PWWP3A: variants seen among roughly 807,000 people sequenced by gnomAD.
PWWP3A encodes the protein PWWP domain containing 3A, DNA repair factor.
PWWP3A carries 53 observed loss-of-function variants against 79.0 expected under a neutral mutation model. That is an observed-to-expected ratio of 0.67 (90% CI 0.54 to 0.84). PWWP3A has a LOEUF of 0.84. PWWP3A is among the 40% of genes least tolerant of loss of function. PWWP3A has a pLI of 0.00. For synonymous variants in PWWP3A, 443 were observed against 394.4 expected (o/e 1.12, Z -1.46); for missense variants, 973 against 948.0 (o/e 1.03, Z -0.35).
Position 1,369,763 on chromosome 19 carries a change from C to A in PWWP3A, c.1549+117C>A. The A allele has an allele frequency of 8.8e-7, 1 of 1,139,070 alleles. No homozygotes were observed. Among genetic ancestry groups the A allele is most frequent in the Non-Finnish European group, 1.3e-6 (1 of 750,302 alleles). The allele number at this position is 1,139,070 out of a possible 1,614,324, so 70.6% of individuals were successfully genotyped here. On this transcript the variant is annotated intron_variant, in intron 11 of 13. Coordinates refer to ENST00000591337, the MANE Select transcript of PWWP3A (RefSeq NM_001369789.1). This position sits in a 1 kb window ranked among gnomAD's most constrained non-coding sequence, Gnocchi z 4.0. ...TTGGGGTCAAGGCACTGTCCGCAGC[C>A]ACACAGCATTGTTCAACCTCTATGA...
chr19:1,359,955 C>T lies in PWWP3A; in HGVS notation c.215-181C>T, dbSNP rs188530457. On this transcript the variant is annotated intron_variant, in intron 4 of 13. Coordinates refer to ENST00000591337, the MANE Select transcript of PWWP3A (RefSeq NM_001369789.1). ...CTCGAATCCCGGAATGAATAGCTGT[C>T]GTTCTGTAGCCTCGTCTCCTTTTTG... The T allele has an allele frequency of 8.8e-4, 511 of 577,492 alleles. 2 individuals are homozygous for T. Among genetic ancestry groups the T allele is most frequent in the African/African-American group, 8.4e-3 (437 of 51,834 alleles). 35.8% of individuals were successfully genotyped at this position (577,492 alleles called of 1,614,324 possible). A position where few individuals can be genotyped will look rare whatever the true frequency, so the allele number is the denominator to read the frequency against.
rs1376584114 is a variant in PWWP3A at position 1,377,603 on chromosome 19, GGGCTCAGCCA to G, written c.*1033_*1042del. 2.6e-5 allele frequency: 4 copies of G among 152,384 alleles called. No homozygotes were observed. The highest frequency in any genetic ancestry group is 9.6e-5 in the African/African-American group (4 of 41,454). The allele number at this position is 152,384 out of a possible 1,614,324, so 9.4% of individuals were successfully genotyped here. On this transcript the variant is annotated 3_prime_UTR_variant, in exon 14 of 14. Coordinates refer to ENST00000591337, the MANE Select transcript of PWWP3A (RefSeq NM_001369789.1). The stretch of plus-strand genomic sequence containing the variant: ...GGTTGTTGAGGGCTGTGACTCCGTG[GGGCTCAGCCA>G]GGCTCCAGCAGGGTCAGACGTGCTG...
In PWWP3A at chr19:1,358,417, T is replaced by C. The variant is rs373025540; in HGVS notation, c.167T>C (p.Val56Ala). 6.2e-7 allele frequency: 1 copy of C among 1,614,112 alleles called. No individual in the cohort carries two copies. The highest frequency in any genetic ancestry group is 8.5e-7 in the Non-Finnish European group (1 of 1,179,998). The part of the protein sequence containing the change: ...EEKIKVKSTE[V>A]EILEKSQIEA... ...AGAATTAAGGTGAAAAGCACTGAAG[T>C]TGAGATCCTAGAGAAGTCTCAAATT... The change falls in exon 4 of 14, where the codon GTT becomes GCT. Residue 56 changes from valine (V) to alanine (A), a missense_variant. Transcript: ENST00000591337.
chr19:1,358,131 G>C, intron 3 of PWWP3A: 1 of 458,624 alleles, frequency 2.2e-6, no homozygotes, highest in Non-Finnish European at 3.8e-6. Context: ...CTTCATAAAA[G>C]TCACAATTTG....
chr19:1,370,599 G>C, intron 11 of PWWP3A, 43 bp from the exon 12 acceptor site: 1 of 1,431,016 alleles, frequency 7.0e-7, no homozygotes, highest in Non-Finnish European at 9.2e-7. Flanking sequence ...ACCCGAGGAA[G>C]GCAGCCCACG....
chr19:1,376,481 T>G (rs1183555609), intron 13 of PWWP3A, 38 bp from the exon 14 acceptor site: 1 of 1,601,802 alleles, frequency 6.2e-7, no homozygotes, highest in South Asian at 1.1e-5. Flanking sequence ...TAACACACAA[T>G]GATTAATTAC....
chr19:1,360,972 C>A lies in PWWP3A; in HGVS notation c.1051C>A (p.His351Asn). 6.8e-7 allele frequency: 1 copy of A among 1,463,732 alleles called. No individual in the cohort carries two copies. Among genetic ancestry groups the A allele is most frequent in the Non-Finnish European group, 9.0e-7 (1 of 1,107,866 alleles). The allele number at this position is 1,463,732 out of a possible 1,614,324, so 90.7% of individuals were successfully genotyped here. The change falls in exon 5 of 14, where the codon CAC becomes AAC. Residue 351 changes from histidine to asparagine, a missense_variant. Coordinates refer to ENST00000591337, the MANE Select transcript of PWWP3A (RefSeq NM_001369789.1). This position sits in a 1 kb window ranked among gnomAD's most constrained non-coding sequence, Gnocchi z 4.4. ...CGCCAGGCTGGGCCCGCCTCCCTCC[C>A]ACGCCTCTGCGGATGCAACCAGATG... ...STARLGPPPS[H>N]ASADATRCLP...
chr19:1,362,895 C>T (rs1457978583), intron 6 of PWWP3A, among the ~76,000 whole-genome samples: 1 of 152,250 alleles, frequency 6.6e-6, no homozygotes, highest in Non-Finnish European at 1.5e-5. Context: ...ACCCAAAGAT[C>T]TGAGCCAGCC....
intron 11 of PWWP3A, 56 bp from the exon 12 acceptor site, chr19:1,370,586 G>C: frequency 7.1e-7 from 1 of 1,418,100 alleles, no homozygotes; most frequent in Non-Finnish European, 9.3e-7. Flanking sequence ...CTGACCCACA[G>C]CCACCCGAGG....
In PWWP3A at chr19:1,377,928, C is replaced by G. The variant is rs575971554; in HGVS notation, c.*1352C>G. ...TGCGGGACGAAGCCGCAAGGACTCT[C>G]GTATCGGGCCCTTGGGACTCGGGAG... On this transcript the variant is annotated 3_prime_UTR_variant, in exon 14 of 14. Transcript: ENST00000591337. 24 of 152,414 alleles carry G rather than the reference C, an allele frequency of 1.6e-4. No individual in the cohort carries two copies. The highest frequency in any genetic ancestry group is 5.8e-4 in the African/African-American group (24 of 41,596). The allele number at this position is 152,414 out of a possible 1,614,324, so 9.4% of individuals were successfully genotyped here.
At chr19:1,356,550 A>G in intron 2 of PWWP3A, 101 bp downstream of exon 2, 1 of 1,178,914 alleles carries the variant, frequency 8.5e-7, no homozygotes. Context: ...CAGTGAAATA[A>G]TTGAGCCAGA....
intron 13 of PWWP3A, among the ~76,000 whole-genome samples, chr19:1,375,446 T>TA (rs398120735): frequency 2.2e-5 from 3 of 133,668 alleles, no homozygotes; most frequent in Non-Finnish European, 3.1e-5. Flanking sequence ...GCCATATATA[T>TA]TTATATATAA....
chr19:1,376,727 T>G lies in PWWP3A; in HGVS notation c.*151T>G. 1 of 580,098 alleles carries G rather than the reference T, an allele frequency of 1.7e-6. No individual in the cohort carries two copies. The highest frequency in any genetic ancestry group is 3.0e-6 in the Non-Finnish European group (1 of 330,228). 35.9% of individuals were successfully genotyped at this position (580,098 alleles called of 1,614,324 possible). A position where few individuals can be genotyped will look rare whatever the true frequency, so the allele number is the denominator to read the frequency against. ...GCGTGGCAGTCCTGATTTCCATGCT[T>G]CTGGAGAATCCATTTCGTTAACACT... On this transcript the variant is annotated 3_prime_UTR_variant, in exon 14 of 14. Coordinates refer to ENST00000591337, the MANE Select transcript of PWWP3A (RefSeq NM_001369789.1).
intron 1 of PWWP3A, among the ~76,000 whole-genome samples, chr19:1,355,542 C>T (rs2038714090): frequency 7.1e-6 from 1 of 141,262 alleles, no homozygotes; most frequent in Non-Finnish European, 1.5e-5. Flanking sequence ...CCACCTCCTC[C>T]GTGAGCCCTC....
chr19:1,378,330 CCT>C lies in PWWP3A; in HGVS notation c.*1755_*1756del. 1 of 152,442 alleles carries C rather than the reference CCT, an allele frequency of 6.6e-6. No homozygotes were observed. The highest frequency in any genetic ancestry group is 2.1e-4 in the South Asian group (1 of 4,832). 9.4% of individuals were successfully genotyped at this position (152,442 alleles called of 1,614,324 possible). A position where few individuals can be genotyped will look rare whatever the true frequency, so the allele number is the denominator to read the frequency against. ...CATGGTTTTGTGGGAATCACGCGCC[CCT>C]GATGGAACTTTTCTGCTGTTGTGAA... On this transcript the variant is annotated 3_prime_UTR_variant, in exon 14 of 14. Coordinates refer to ENST00000591337, the MANE Select transcript of PWWP3A (RefSeq NM_001369789.1).
chr19:1,355,613 C>G (rs982250057), intron 1 of PWWP3A, among the ~76,000 whole-genome samples: 1 of 147,034 alleles, frequency 6.8e-6, no homozygotes, highest in Non-Finnish European at 1.5e-5. Flanking sequence ...GCCTGAATCC[C>G]CCGTTCCTGC....
Position 1,369,129 on chromosome 19 carries a change from C to T in PWWP3A, c.1423-136C>T. On this transcript the variant is annotated intron_variant, in intron 9 of 13. Coordinates refer to ENST00000591337, the MANE Select transcript of PWWP3A (RefSeq NM_001369789.1). The surrounding 1 kb of genome is among the most constrained non-coding windows in gnomAD (Gnocchi z 4.0). ...AGGCGTCTGCCAGAGCCCCCTTTGT[C>T]AGGGAGGGTCAGAGGTGCGGGCTGG... 1.4e-6 allele frequency: 1 copy of T among 717,268 alleles called. No homozygotes were observed. The highest frequency in any genetic ancestry group is 2.7e-5 in the East Asian group (1 of 36,634). The allele number at this position is 717,268 out of a possible 1,614,324, so 44.4% of individuals were successfully genotyped here.
chr19:1,360,562 C>T lies in PWWP3A; in HGVS notation c.641C>T (p.Ala214Val), dbSNP rs777201714. ...SRIHHKNWTL[A>V]SKRGGNSAQK... ...ATCCACCACAAAAATTGGACTCTTG[C>T]AAGTAAGAGGGGAGGAAACTCAGCG... Residue 214 changes from alanine (A) to valine (V), a missense_variant, in exon 5 of 14, where the codon GCA (alanine) becomes GTA (valine). Coordinates refer to ENST00000591337, the MANE Select transcript of PWWP3A (RefSeq NM_001369789.1). This position sits in a 1 kb window ranked among gnomAD's most constrained non-coding sequence, Gnocchi z 4.4. 1.2e-6 allele frequency: 2 copies of T among 1,614,208 alleles called. No individual in the cohort carries two copies.
In PWWP3A at chr19:1,360,749, G is replaced by A. The variant is rs374979195; in HGVS notation, c.828G>A (p.Pro276=). 56 of 1,612,328 alleles carry A rather than the reference G, an allele frequency of 3.5e-5. No homozygotes were observed. The highest frequency in any genetic ancestry group is 2.5e-4 in the East Asian group (11 of 44,866). ...ANAEGHDPGL[P]LGSLTAPPAP... ...CTGAGGGACACGACCCCGGTCTGCC[G>A]TTGGGCAGCCTCACTGCGCCCCCAG... Residue 276 remains proline, a synonymous_variant, in exon 5 of 14, where the codon CCG becomes CCA. Coordinates refer to ENST00000591337, the MANE Select transcript of PWWP3A (RefSeq NM_001369789.1). This position sits in a 1 kb window ranked among gnomAD's most constrained non-coding sequence, Gnocchi z 4.4.
Sources: gnomAD v4.1 joint callset for allele counts (sites outside exome capture counted in the v4.1 genomes callset) on GRCh38, gnomAD v4.1.1 for gene constraint, Gnocchi (gnomAD v3.1) non-coding constraint, MANE v1.5 for transcripts, NCBI Gene and HGNC (gene_info 2026-07-23, HGNC 2026-07-21) for gene names.